Variants in BRD4 observed in about 807,000 individuals in gnomAD.
BRD4 encodes bromodomain-containing protein 4.
BRD4 carries 16 observed loss-of-function variants against 142.1 expected under a neutral mutation model. That is an observed-to-expected ratio of 0.11 (90% CI 0.08 to 0.17). The LOEUF is 0.17. BRD4 is among the 10% of genes least tolerant of loss of function. BRD4 has a pLI of 1.00. For synonymous variants in BRD4, 833 were observed against 707.5 expected, an observed-to-expected ratio of 1.18 and a Z score of -2.82; for missense variants, 1,424 against 1,810.9, an observed-to-expected ratio of 0.79 and a Z score of 3.88.
At chr19:15,312,399 C>G (rs1191511728) in intron 1 of BRD4, among the ~76,000 whole-genome samples, 1 of 151,908 alleles carries the variant, frequency 6.6e-6, no homozygotes, top group Non-Finnish European at 1.5e-5. Context: ...TCTGGGAGGC[C>G]GAGGCGGGCA....
chr19:15,239,123 C>A lies in BRD4; in HGVS notation c.3718G>T (p.Ala1240Ser). The A allele has an allele frequency of 6.2e-7, 1 of 1,610,458 alleles. No individual in the cohort carries two copies. Among genetic ancestry groups the A allele is most frequent in the Non-Finnish European group, 8.5e-7 (1 of 1,179,672 alleles). Residue 1240 changes from alanine to serine, a missense_variant, in exon 18 of 20, where the codon GCC becomes TCC. Transcript: ENST00000679869. This position sits in a 1 kb window ranked among gnomAD's most constrained non-coding sequence, Gnocchi z 7.4. ...GCGTGCTCGGCCTGAGCCTTCAGGG[C>A]CTTCTCACGCTCCTCTTTCTCCCGA... is the stretch of plus-strand genomic sequence containing the variant. Reference protein sequence around the residue: ...AAREKEEREKALKAQAEHAEK... With the variant: ...AAREKEEREKSLKAQAEHAEK...
intron 6 of BRD4, 111 bp downstream of exon 6, chr19:15,264,293 G>C (rs1186990010): frequency 2.1e-6 from 3 of 1,428,014 alleles, no homozygotes; most frequent in Non-Finnish European, 1.9e-6. Flanking sequence ...AATCCACGCA[G>C]CCACCGTTCC....
At chr19:15,293,982 A>G (rs921692725) in intron 1 of BRD4, among the ~76,000 whole-genome samples, 4 of 152,224 alleles carry the variant, frequency 2.6e-5, no homozygotes, top group African/African-American at 4.8e-5. Flanking sequence ...TGTGAAATAC[A>G]TATTTGGTCT....
chr19:15,267,365 G>A, intron 4 of BRD4, 51 bp downstream of exon 4: 2 of 1,594,074 alleles, frequency 1.3e-6, no homozygotes, highest in South Asian at 1.1e-5. Flanking sequence ...ACTTGGAAAA[G>A]GGACAAAGGT....
In BRD4 at chr19:15,238,320, A is replaced by G; in HGVS notation, c.*57T>C. 5.6e-6 allele frequency: 9 copies of G among 1,610,864 alleles called. No homozygotes were observed. Among genetic ancestry groups the G allele is most frequent in the Non-Finnish European group, 6.8e-6 (8 of 1,178,106 alleles). The stretch of plus-strand genomic sequence containing the variant: ...TCCCACCTCCACCACCGCCCCTAAC[A>G]CTATGGAAAGTCAATGTTTTGCCAG... On this transcript the variant is annotated 3_prime_UTR_variant, in exon 20 of 20. Coordinates refer to ENST00000679869, the MANE Select transcript of BRD4 (RefSeq NM_001379291.1). The surrounding 1 kb of genome is among the most constrained non-coding windows in gnomAD (Gnocchi z 7.2).
At position 15,243,343 on chromosome 19, in the gene BRD4, G is replaced by T; in HGVS notation, c.2726C>A (p.Pro909His). Residue 909 changes from proline (P) to histidine (H), a missense_variant, in exon 14 of 20, where the codon CCC (proline) becomes CAC (histidine). Pro to His is a moderately conservative substitution (Grantham distance 77, BLOSUM62 -2). Around this residue, in one of 16 missense-constraint regions of BRD4, gnomAD observed 598 missense variants for 647.8 expected, o/e 0.92. Transcript: ENST00000679869. ...CTCTTCATCCTCCAGCAGCACTTGGGGGGGTTGGGCCATGGGGGGCTGTGG... is the reference window on the plus strand; with the variant it reads ...CTCTTCATCCTCCAGCAGCACTTGGTGGGGTTGGGCCATGGGGGGCTGTGG... ...LLPQPPMAQP[P>H]QVLLEDEEPP... 2.0e-6 allele frequency: 3 copies of T among 1,465,356 alleles called. No individual in the cohort carries two copies. Among genetic ancestry groups the T allele is most frequent in the East Asian group, 2.6e-5 (1 of 38,464 alleles). 90.8% of individuals were successfully genotyped at this position (1,465,356 alleles called of 1,614,324 possible). A position where few individuals can be genotyped will look rare whatever the true frequency, so the allele number is the denominator to read the frequency against.
In BRD4 at chr19:15,293,057, G is replaced by A. The variant is rs117543399; in HGVS notation, c.-34-19924C>T. Among the ~76,000 whole-genome samples, 28 of 152,082 alleles carry A rather than the reference G, an allele frequency of 1.8e-4. No individual in the cohort carries two copies. The East Asian group carries it at 4.4e-3, about 24-fold the overall frequency. On this transcript the variant is annotated intron_variant, in intron 1 of 19. Transcript: ENST00000679869. ...GTCTCCACAACAGCCGACTACTGTCGATGCTAAAAGTTCAAGGAGGCCAAT... is the reference window on the plus strand; with the variant it reads ...GTCTCCACAACAGCCGACTACTGTCAATGCTAAAAGTTCAAGGAGGCCAAT...
intron 11 of BRD4, chr19:15,248,009 G>A (rs1278289618): frequency 1.8e-5 from 4 of 220,224 alleles, no homozygotes; most frequent in African/African-American, 9.0e-5. Flanking sequence ...TGCACCCAAG[G>A]GCTTGCCCAT....
rs568167629 is a variant in BRD4 at position 15,310,357 on chromosome 19, T to A, written c.-35+21933A>T. Among the ~76,000 whole-genome samples the A allele has an allele frequency of 3.9e-5, 2 of 51,340 alleles. 1 individual carries two copies. Among genetic ancestry groups the A allele is most frequent in the African/African-American group, 1.3e-4 (2 of 15,240 alleles). The allele number at this position is 51,340 out of a possible 152,430, so 33.7% of individuals were successfully genotyped here. A position where few individuals can be genotyped will look rare whatever the true frequency, so the allele number is the denominator to read the frequency against. ...GCACCATGTCCGGCTGATTTTTGGATTCCCCCCCCCCCCCCCCCCCCCCGA... is the reference window on the plus strand; with the variant it reads ...GCACCATGTCCGGCTGATTTTTGGAATCCCCCCCCCCCCCCCCCCCCCCGA... On this transcript the variant is annotated intron_variant, in intron 1 of 19. Coordinates refer to ENST00000679869, the MANE Select transcript of BRD4 (RefSeq NM_001379291.1).
intron 1 of BRD4, among the ~76,000 whole-genome samples, chr19:15,297,202 C>G (rs916005867): frequency 1.2e-4 from 18 of 152,336 alleles, no homozygotes; most frequent in South Asian, 2.1e-4. Context: ...TAGCCCTCAG[C>G]TACATTCTTA....
intron 11 of BRD4, among the ~76,000 whole-genome samples, chr19:15,251,393 G>A (rs1480157046): frequency 7.8e-6 from 1 of 127,946 alleles, no homozygotes; most frequent in Non-Finnish European, 1.6e-5. Context: ...ACAAAAATAG[G>A]CCCTTTCAGG....
At chr19:15,240,947 G>A (rs777652847) in intron 14 of BRD4, among the ~76,000 whole-genome samples, 40 of 152,180 alleles carry the variant, frequency 2.6e-4, no homozygotes, top group Non-Finnish European at 3.8e-4. Context: ...GTCAGCACAG[G>A]CACCCTTGGG....
intron 1 of BRD4, among the ~76,000 whole-genome samples, chr19:15,322,457 C>A (rs1301141757): frequency 6.6e-6 from 1 of 151,970 alleles, no homozygotes; most frequent in African/African-American, 2.4e-5. Context: ...CGCCTGTAAT[C>A]CCAGCACTTT....
At chr19:15,296,273 C>A (rs1053420374) in intron 1 of BRD4, among the ~76,000 whole-genome samples, 1 of 152,108 alleles carries the variant, frequency 6.6e-6, no homozygotes. Context: ...AAAAAAGAAT[C>A]CCGAAGACTC....
intron 1 of BRD4, among the ~76,000 whole-genome samples, chr19:15,314,029 G>A (rs1043575642): frequency 3.3e-5 from 5 of 152,164 alleles, no homozygotes; most frequent in Non-Finnish European, 7.3e-5. Context: ...ACCATCGATA[G>A]GGGATATTTT....
chr19:15,291,141 G>A (rs574883161), intron 1 of BRD4, among the ~76,000 whole-genome samples: 1 of 152,258 alleles, frequency 6.6e-6, no homozygotes, highest in South Asian at 2.1e-4. Flanking sequence ...CTCCTGACTT[G>A]TTATGCCCTG....
chr19:15,267,742 G>A (rs1362288834), intron 3 of BRD4, among the ~76,000 whole-genome samples, 191 bp from the exon 4 acceptor site: 1 of 152,044 alleles, frequency 6.6e-6, no homozygotes, highest in Non-Finnish European at 1.5e-5. Context: ...TGTTCCCACA[G>A]GTGTGCTGAG....
intron 7 of BRD4, among the ~76,000 whole-genome samples, chr19:15,262,725 A>G (rs565318326): frequency 3.5e-4 from 53 of 152,242 alleles, no homozygotes; most frequent in African/African-American, 1.3e-3. Flanking sequence ...CCTGTCTCCA[A>G]TAATTAAAAC....
In BRD4 at chr19:15,239,470, C is replaced by T. The variant is rs763454979; in HGVS notation, c.3498G>A (p.Glu1166=). 6 of 1,614,020 alleles carry T rather than the reference C, an allele frequency of 3.7e-6. No individual in the cohort carries two copies. The Admixed American group carries it at 5.0e-5, about 13-fold the overall frequency. Residue 1166 remains glutamate, a synonymous_variant, in exon 17 of 20, where the codon GAG becomes GAA. Coordinates refer to ENST00000679869, the MANE Select transcript of BRD4 (RefSeq NM_001379291.1). The surrounding 1 kb of genome is among the most constrained non-coding windows in gnomAD (Gnocchi z 7.4). ...DVGRPVIRPP[E]QNAPPPGAPD... is the part of the protein sequence containing the mutation. ...GGGCCCCTGGTGGCGGTGCGTTCTG[C>T]TCTGGGGGCCGGATCACAGGCCTCC...
Sources: allele counts gnomAD v4.1 joint callset (sites outside exome capture counted in the v4.1 genomes callset), GRCh38; gene constraint gnomAD v4.1.1; regional missense constraint gnomAD v4.1.1; non-coding constraint Gnocchi (gnomAD v3.1); transcripts MANE v1.5; gene names NCBI Gene and HGNC (gene_info 2026-07-23, HGNC 2026-07-21).